Variants in AOX1 observed in about 807,000 individuals in gnomAD.
AOX1 encodes the protein aldehyde oxidase 1, also known as aldehyde oxidase.
In AOX1, 153 loss-of-function variants were observed where a neutral mutation model predicts 169.5. That is an observed-to-expected ratio of 0.90 (90% CI 0.79 to 1.03). The LOEUF is 1.03. Among genes scored for constraint, AOX1 ranks in the 50% least tolerant of loss-of-function variants. AOX1 has a pLI of 0.00. For synonymous variants in AOX1, 562 were observed against 581.9 expected (o/e 0.97, Z 0.49); for missense variants, 1,656 against 1,663.9 (o/e 1.00, Z 0.08).
chr2:200,611,655 A>G (rs565971097), intron 13 of AOX1, among the ~76,000 whole-genome samples, 162 bp downstream of exon 13: 1 of 151,980 alleles, frequency 6.6e-6, no homozygotes, highest in Non-Finnish European at 1.5e-5. Flanking sequence ...ACTTGTGAAT[A>G]GTTGCCTTTT....
Position 200,604,857 on chromosome 2 carries a change from G to T in AOX1, c.814+17G>T. On this transcript the variant is annotated intron_variant, in intron 9 of 34. Coordinates refer to ENST00000374700, the MANE Select transcript of AOX1 (RefSeq NM_001159.4). ...CCTCTGTGGGTATGTAGAACCCCAGGGATTTTTTATAGGGAAATTGAGAAA... is the reference window on the plus strand; with the variant it reads ...CCTCTGTGGGTATGTAGAACCCCAGTGATTTTTTATAGGGAAATTGAGAAA... The T allele has an allele frequency of 6.3e-7, 1 of 1,587,818 alleles. No homozygotes were observed. The highest frequency in any genetic ancestry group is 1.3e-5 in the African/African-American group (1 of 74,142).
At chr2:200,591,499 C>T (rs1159994311) in intron 1 of AOX1, among the ~76,000 whole-genome samples, 1 of 152,136 alleles carries the variant, frequency 6.6e-6, no homozygotes, top group African/African-American at 2.4e-5. Context: ...TCCAACGCAC[C>T]CCCTGGACTG....
chr2:200,604,702 G>A lies in AOX1; in HGVS notation c.676G>A (p.Ala226Thr). The A allele has an allele frequency of 1.2e-6, 2 of 1,614,094 alleles. No homozygotes were observed. Among genetic ancestry groups the A allele is most frequent in the Non-Finnish European group, 1.7e-6 (2 of 1,180,002 alleles). Residue 226 changes from alanine to threonine, a missense_variant, in exon 9 of 35, where the codon GCT becomes ACT. Coordinates refer to ENST00000374700, the MANE Select transcript of AOX1 (RefSeq NM_001159.4). ...LIFPPELMIM[A>T]EKQSQRTRVF... The stretch of plus-strand genomic sequence containing the variant: ...CCTATTGCTTTTTCAATAGATAATG[G>A]CTGAGAAACAGTCGCAAAGGACCAG...
intron 32 of AOX1, among the ~76,000 whole-genome samples, chr2:200,668,085 A>T (rs937445746): frequency 4.6e-5 from 7 of 151,276 alleles, no homozygotes; most frequent in Non-Finnish European, 1.0e-4. Flanking sequence ...TCTTTTTTTC[A>T]TGATTTTTAT....
At chr2:200,631,869 A>G (rs1284717245) in intron 20 of AOX1, among the ~76,000 whole-genome samples, 1 of 152,170 alleles carries the variant, frequency 6.6e-6, no homozygotes, top group Non-Finnish European at 1.5e-5. Flanking sequence ...GGGTCTTTAG[A>G]CTATTTGATA....
At chr2:200,588,747 T>TTTTTTTTTTTTTTTTTTTTTTTTTTA (rs1491285312) in intron 1 of AOX1, among the ~76,000 whole-genome samples, 1 of 124,478 alleles carries the variant, frequency 8.0e-6, no homozygotes, top group Non-Finnish European at 1.7e-5. Flanking sequence ...TTTTTTTTTT[T>TTTTTTTTTTTTTTTTTTTTTTTTTTA]GAGATCGAGT....
chr2:200,613,768 C>G (rs367908481), intron 14 of AOX1, 36 bp from the exon 15 acceptor site: 3 of 1,587,640 alleles, frequency 1.9e-6, no homozygotes, highest in African/African-American at 2.7e-5. Context: ...GTAATAAACC[C>G]TGTCAGGCTA....
At chr2:200,654,206 C>CAAAA (rs60045401) in intron 26 of AOX1, among the ~76,000 whole-genome samples, 45 of 84,760 alleles carry the variant, frequency 5.3e-4, no homozygotes, top group African/African-American at 1.7e-3. Context: ...GACCCTGTCT[C>CAAAA]AAAAAAAAAA....
At chr2:200,615,875 T>C (rs2034744784) in intron 15 of AOX1, 96 bp from the exon 16 acceptor site, 1 of 854,078 alleles carries the variant, frequency 1.2e-6, no homozygotes, top group South Asian at 1.5e-5. Context: ...GACTTCAGAG[T>C]AGAGATGCTT....
intron 16 of AOX1, among the ~76,000 whole-genome samples, chr2:200,617,759 T>C (rs2105717975): frequency 6.6e-6 from 1 of 152,238 alleles, no homozygotes; most frequent in East Asian, 1.9e-4. Flanking sequence ...TTCTTAGGGT[T>C]TTAAAAAGAA....
intron 6 of AOX1, among the ~76,000 whole-genome samples, chr2:200,602,677 T>C (rs2034442037): frequency 6.6e-6 from 1 of 152,156 alleles, no homozygotes; most frequent in African/African-American, 2.4e-5. Context: ...GGCATACACA[T>C]GTCCCGTCAC....
downstream of AOX1, among the ~76,000 whole-genome samples, chr2:200,672,620 A>G (rs1327182618): frequency 6.6e-6 from 1 of 152,206 alleles, no homozygotes; most frequent in Non-Finnish European, 1.5e-5. Flanking sequence ...CCTTGGGAAG[A>G]TCCTATTTTG....
chr2:200,612,450 C>T (rs1474131032), intron 13 of AOX1, among the ~76,000 whole-genome samples, 159 bp from the exon 14 acceptor site: 5 of 152,174 alleles, frequency 3.3e-5, no homozygotes, highest in African/African-American at 7.2e-5. Flanking sequence ...CCGTCCAGCA[C>T]GTAGGTGATG....
In AOX1 at chr2:200,664,719, A is replaced by G. The variant is rs564916633; in HGVS notation, c.3543+1750A>G. Among the ~76,000 whole-genome samples, 17 of 152,354 alleles carry G rather than the reference A, an allele frequency of 1.1e-4. No homozygotes were observed. In the South Asian group the frequency reaches 1.4e-3, roughly 13 times the overall value. On this transcript the variant is annotated intron_variant, in intron 31 of 34. Transcript: ENST00000374700. ...TGACATTCTACCAGGGGCCCTCCCC[A>G]AAGGCCTGTTTCTCAGCCATTCTCC...
At chr2:200,603,941 A>T in intron 7 of AOX1, 76 bp from the exon 8 acceptor site, 1 of 998,244 alleles carries the variant, frequency 1.0e-6, no homozygotes, top group South Asian at 1.3e-5. Flanking sequence ...CTGTGTATCT[A>T]TATCTTTTGA....
Position 200,651,050 on chromosome 2 carries a change from A to G in AOX1, c.2924A>G (p.Gln975Arg). 2 of 1,614,212 alleles carry G rather than the reference A, an allele frequency of 1.2e-6. No homozygotes were observed. Among genetic ancestry groups the G allele is most frequent in the Non-Finnish European group, 1.7e-6 (2 of 1,180,024 alleles). ...KQEINAKNLI[Q>R]CWRECMAMSS... ...GAGATCAATGCCAAGAACCTAATCC[A>G]GTGTTGGAGAGAATGTATGGCCATG... Residue 975 changes from glutamine to arginine, a missense_variant, in exon 26 of 35, where the codon CAG (glutamine) becomes CGG (arginine). Transcript: ENST00000374700.
Position 200,609,007 on chromosome 2 carries a change from A to C in AOX1, c.931A>C (p.Ser311Arg). ...YNGLTLGAGL[S>R]LAQVKDILAD... is the part of the protein sequence containing the mutation. ...AGGACTCACCCTTGGTGCTGGTCTC[A>C]GCCTAGCCCAGGTGAAGGACATTTT... The change falls in exon 11 of 35, where the codon AGC becomes CGC. Residue 311 changes from serine to arginine, a missense_variant. Physicochemically the swap from Ser to Arg is moderately radical, Grantham distance 110 (BLOSUM62 -1). Coordinates refer to ENST00000374700, the MANE Select transcript of AOX1 (RefSeq NM_001159.4). 1 of 1,614,046 alleles carries C rather than the reference A, an allele frequency of 6.2e-7. No individual in the cohort carries two copies. Among genetic ancestry groups the C allele is most frequent in the South Asian group, 1.1e-5 (1 of 91,066 alleles).
intron 20 of AOX1, among the ~76,000 whole-genome samples, chr2:200,633,081 G>A (rs547459248): frequency 2.4e-4 from 36 of 152,042 alleles, no homozygotes; most frequent in African/African-American, 8.7e-4. Flanking sequence ...ATTTTTAGTA[G>A]AGACAGGGTT....
At chr2:200,621,047 TCTTATTATCCAATTAA>T (rs2034876245) in intron 17 of AOX1, 57 bp from the exon 18 acceptor site, 1 of 1,515,344 alleles carries the variant, frequency 6.6e-7, no homozygotes, top group African/African-American at 1.4e-5. Context: ...CTCTCTCATA[TCTTATTATCCAATTAA>T]CCATGTTCTT....
Sources: gnomAD v4.1 joint callset for allele counts (sites outside exome capture counted in the v4.1 genomes callset) on GRCh38, gnomAD v4.1.1 for gene constraint, MANE v1.5 for transcripts, NCBI Gene and HGNC (gene_info 2026-07-23, HGNC 2026-07-21) for gene names.